UPRT: variants seen among roughly 807,000 people sequenced by gnomAD.
The protein encoded by UPRT is uracil phosphoribosyltransferase homolog, also known as RP11-311P8.3.
In UPRT, 5 loss-of-function variants were observed where a neutral mutation model predicts 22.6. The ratio of observed to expected loss-of-function variants is 0.22; its 90% CI spans 0.12 to 0.47. The LOEUF (loss-of-function observed/expected upper bound fraction) is 0.47, where lower values mean the gene tolerates loss of function less well. Among genes scored for constraint, UPRT ranks in the 20% least tolerant of loss-of-function variants. The pLI is 0.99. For synonymous variants in UPRT, 77 were observed against 87.7 expected (o/e 0.88, Z 0.68); for missense variants, 181 against 239.9 (o/e 0.75, Z 1.62).
intron 2 of UPRT, chrX:75,294,580 A>G: frequency 1.0e-6 from 1 of 986,861 alleles, no homozygotes; most frequent in Admixed American, 2.8e-5. Flanking sequence ...CTGAGGATTT[A>G]TTCCAAAAGA....
intron 3 of UPRT, among the ~76,000 whole-genome samples, chrX:75,165,535 A>G (rs1485366988): frequency 2.7e-5 from 3 of 111,466 alleles, no homozygotes; most frequent in Non-Finnish European, 5.6e-5. Flanking sequence ...CAATTCTCCA[A>G]TGTTTGAAGC....
At chrX:75,184,708 T>G (rs1401577965) in intron 4 of UPRT, among the ~76,000 whole-genome samples, 1 of 108,786 alleles carries the variant, frequency 9.2e-6, no homozygotes, top group African/African-American at 3.4e-5. Flanking sequence ...CCTTGAGCAG[T>G]GGTTTGTAGT....
At chrX:75,258,339 C>A (rs1324452487) in intron 4 of UPRT, among the ~76,000 whole-genome samples, 2 of 109,475 alleles carry the variant, frequency 1.8e-5, no homozygotes, top group East Asian at 5.8e-4. Context: ...GCAGGTCCCA[C>A]CCCCATGGAG....
intron 4 of UPRT, among the ~76,000 whole-genome samples, chrX:75,186,913 T>A (rs748135565): frequency 8.9e-6 from 1 of 111,898 alleles, no homozygotes; most frequent in African/African-American, 3.3e-5. Flanking sequence ...AGCCTATGTG[T>A]GTCTCTGCAT....
chrX:75,217,734 A>C (rs915343926), intron 4 of UPRT, among the ~76,000 whole-genome samples: 3 of 112,103 alleles, frequency 2.7e-5, no homozygotes, highest in East Asian at 5.6e-4. Flanking sequence ...ATAACGCCGC[A>C]TATCTGCAAC....
chrX:75,187,193 C>T (rs1314127621), intron 4 of UPRT, among the ~76,000 whole-genome samples: 1 of 111,542 alleles, frequency 9.0e-6, no homozygotes, highest in African/African-American at 3.3e-5. Context: ...GTGCTTCCTT[C>T]AGGAGCTCTT....
chrX:75,248,884 A>T (rs2082517285), intron 4 of UPRT, among the ~76,000 whole-genome samples: 1 of 112,200 alleles, frequency 8.9e-6, no homozygotes, highest in Non-Finnish European at 1.9e-5. Context: ...TACAAGCCAG[A>T]AGAGAGTGGG....
At chrX:75,169,329 C>CT (rs2082220696) in intron 4 of UPRT, among the ~76,000 whole-genome samples, 1 of 112,105 alleles carries the variant, frequency 8.9e-6, no homozygotes, top group African/African-American at 3.2e-5. Flanking sequence ...GGTAGTTCTA[C>CT]TTTTAGTTCT....
intron 1 of UPRT, among the ~76,000 whole-genome samples, chrX:75,276,599 T>C (rs754022562): frequency 9.0e-6 from 1 of 111,666 alleles, no homozygotes; most frequent in South Asian, 3.8e-4. Flanking sequence ...GAGCAGAAGT[T>C]ACTACGCTTG....
At chrX:75,266,463 G>A (rs191304107) in intron 4 of UPRT, among the ~76,000 whole-genome samples, 93 of 111,731 alleles carry the variant, frequency 8.3e-4, no homozygotes, top group African/African-American at 2.8e-3. Flanking sequence ...AGATTTAAAT[G>A]TTAGACCTAA....
At chrX:75,185,493 G>A (rs2082286794) in intron 4 of UPRT, among the ~76,000 whole-genome samples, 1 of 111,676 alleles carries the variant, frequency 9.0e-6, no homozygotes, top group African/African-American at 3.3e-5. Context: ...TTTTTTGGTT[G>A]TGTCTCTGTC....
chrX:75,233,293 A>G (rs61628198), intron 4 of UPRT, among the ~76,000 whole-genome samples: 1,443 of 111,043 alleles, frequency 0.013, 17 homozygotes, highest in African/African-American at 0.045. Flanking sequence ...ATGTGAAAAG[A>G]CCAAATCTAC....
At chrX:75,196,290 T>G (rs2082332398) in intron 4 of UPRT, among the ~76,000 whole-genome samples, 1 of 112,194 alleles carries the variant, frequency 8.9e-6, no homozygotes. Flanking sequence ...CTCAGCCTCC[T>G]GAGTACCTGG....
At chrX:75,253,085 T>G (rs891763703) in intron 4 of UPRT, among the ~76,000 whole-genome samples, 1 of 110,978 alleles carries the variant, frequency 9.0e-6, no homozygotes, top group Non-Finnish European at 1.9e-5. Flanking sequence ...GAGATATACC[T>G]AATGCTAAAT....
At chrX:75,295,090 G>A (rs944475681) in intron 2 of UPRT, among the ~76,000 whole-genome samples, 8 of 110,500 alleles carry the variant, frequency 7.2e-5, no homozygotes, top group Non-Finnish European at 1.1e-4. Flanking sequence ...GAGCTATTTA[G>A]GTTTAACTTC....
intron 1 of UPRT, among the ~76,000 whole-genome samples, chrX:75,286,306 T>TTGG (rs1462992958): frequency 2.6e-5 from 1 of 38,878 alleles, no homozygotes; most frequent in East Asian, 7.1e-4. Context: ...CAAATTTACT[T>TTGG]GGGGGGGGGG....
chrX:75,210,929 G>C (rs1235868890), intron 4 of UPRT, among the ~76,000 whole-genome samples: 2 of 111,507 alleles, frequency 1.8e-5, no homozygotes, highest in Admixed American at 1.9e-4. Flanking sequence ...TTGTTGTCCA[G>C]GTTACACTAG....
intron 4 of UPRT, among the ~76,000 whole-genome samples, chrX:75,220,211 T>A (rs780484326): frequency 9.0e-6 from 1 of 111,651 alleles, no homozygotes; most frequent in African/African-American, 3.2e-5. Flanking sequence ...ATTTTTTTTC[T>A]GATATAACTA....
At chrX:75,291,596 A>C (rs766176938) in intron 1 of UPRT, 2 of 148,344 alleles carry the variant, frequency 1.3e-5, no homozygotes, top group Non-Finnish European at 2.6e-5. Flanking sequence ...AGTCTTAACA[A>C]TGTTAAAGAT....
Sources: allele counts gnomAD v4.1 joint callset (sites outside exome capture counted in the v4.1 genomes callset), GRCh38; gene constraint gnomAD v4.1.1; transcripts MANE v1.5; gene names NCBI Gene and HGNC (gene_info 2026-07-23, HGNC 2026-07-21).